SBNO2: variants seen among roughly 807,000 people sequenced by gnomAD.
SBNO2 encodes strawberry notch homolog 2.
SBNO2 carries 89 observed loss-of-function variants against 146.3 expected under a neutral mutation model. The observed-to-expected ratio is 0.61, with a 90% CI of 0.51 to 0.73. The LOEUF (loss-of-function observed/expected upper bound fraction) is 0.73, where lower values mean the gene tolerates loss of function less well. Ranked by LOEUF, SBNO2 falls within the 30% of genes least tolerant of loss-of-function variation. The probability of loss-of-function intolerance (pLI) is 0.00; values close to 1 mark genes in which losing one functional copy is unlikely to be tolerated. For missense variants in SBNO2, 2,092 were observed against 2,003.7 expected (o/e 1.04, Z -0.84); for synonymous variants, 1,147 against 892.6 (o/e 1.29, Z -5.08).
At chr19:1,147,173 A>G in intron 4 of SBNO2, 136 bp downstream of exon 4, 1 of 609,558 alleles carries the variant, frequency 1.6e-6, no homozygotes, top group Non-Finnish European at 2.9e-6. Flanking sequence ...CCCACCGTAA[A>G]CCCTGCGGCC....
rs2079920631 is a variant in SBNO2 at position 1,122,912 on chromosome 19, G to A, written c.762C>T (p.Ala254=). ...SGALSALQLE[A]ITYACQQHEV... ...CGGTCACCTGGCAGGCGTAGGTGAT[G>A]GCCTCTAGCTGCAGGGCAGACAGGG... The change falls in exon 8 of 32, where the codon GCC becomes GCT. Residue 254 remains alanine (A), a synonymous_variant. Coordinates refer to ENST00000361757, the MANE Select transcript of SBNO2 (RefSeq NM_014963.3). The A allele has an allele frequency of 6.4e-7, 1 of 1,552,672 alleles. No homozygotes were observed. Among genetic ancestry groups the A allele is most frequent in the Non-Finnish European group, 8.7e-7 (1 of 1,148,894 alleles).
intron 1 of SBNO2, among the ~76,000 whole-genome samples, chr19:1,160,876 A>G (rs2080336935): frequency 6.6e-6 from 1 of 151,648 alleles, no homozygotes; most frequent in South Asian, 2.1e-4. Context: ...GTAACTCACT[A>G]GACTGTGGCC....
chr19:1,112,918 C>T lies in SBNO2; in HGVS notation c.2279G>A (p.Arg760Lys), dbSNP rs929040470. The T allele has an allele frequency of 1.3e-6, 2 of 1,567,658 alleles. No homozygotes were observed. Among genetic ancestry groups the T allele is most frequent in the African/African-American group, 1.4e-5 (1 of 73,718 alleles). ...MTGRKGRVVS[R>K]PDGTVAFESR... ...CTCGAAGGCCACCGTCCCGTCGGGC[C>T]TGGACACCACGCGGCCTTTCCTGCC... The change falls in exon 20 of 32, where the codon AGG (arginine) becomes AAG (lysine). Residue 760 changes from arginine (R) to lysine (K), a missense_variant. Physicochemically the swap from Arg to Lys is conservative, Grantham distance 26. Coordinates refer to ENST00000361757, the MANE Select transcript of SBNO2 (RefSeq NM_014963.3). The surrounding 1 kb of genome is among the most constrained non-coding windows in gnomAD (Gnocchi z 5.9).
intron 14 of SBNO2, 32 bp downstream of exon 14, chr19:1,118,979 C>T (rs1421554652): frequency 2.6e-6 from 4 of 1,558,336 alleles, no homozygotes; most frequent in Non-Finnish European, 3.5e-6. Context: ...GGGAAACGCA[C>T]AGGGGTCCCC....
intron 4 of SBNO2, among the ~76,000 whole-genome samples, chr19:1,146,686 TG>T (rs2080193024): frequency 7.8e-6 from 1 of 127,946 alleles, no homozygotes; most frequent in African/African-American, 3.0e-5. Context: ...GAGAGGAAGC[TG>T]GGGCACTGGG....
intron 16 of SBNO2, among the ~76,000 whole-genome samples, chr19:1,116,569 G>A (rs1374273670): frequency 1.3e-5 from 2 of 152,150 alleles, no homozygotes; most frequent in Non-Finnish European, 2.9e-5. Context: ...CACAGATGCA[G>A]GAAGCCTCCT....
In SBNO2 at chr19:1,150,439, C is replaced by T. The variant is rs1233891147; in HGVS notation, c.94-997G>A. Among the ~76,000 whole-genome samples the T allele has an allele frequency of 6.6e-6, 1 of 152,010 alleles. No homozygotes were observed. The highest frequency in any genetic ancestry group is 1.9e-4 in the East Asian group (1 of 5,174). ...CTGCAGCAGAGAGACCCTGCCGTCA[C>T]AGACGCCCCCACAGTCACGGGGGAG... is the stretch of plus-strand genomic sequence containing the variant. On this transcript the variant is annotated intron_variant, in intron 2 of 31. Transcript: ENST00000361757. The surrounding 1 kb of genome is among the most constrained non-coding windows in gnomAD (Gnocchi z 6.2).
At chr19:1,122,096 C>A in intron 11 of SBNO2, 43 bp downstream of exon 11, 1 of 1,368,930 alleles carries the variant, frequency 7.3e-7, no homozygotes, top group Non-Finnish European at 9.5e-7. Context: ...CCCTCCGACC[C>A]CCTAATCCAG....
At chr19:1,127,908 G>T in intron 4 of SBNO2, 143 bp from the exon 5 acceptor site, 1 of 726,224 alleles carries the variant, frequency 1.4e-6, no homozygotes, top group Non-Finnish European at 2.3e-6. Context: ...GGCCCTCCCA[G>T]GTTCAAGCAA....
intron 1 of SBNO2, among the ~76,000 whole-genome samples, chr19:1,156,685 C>T (rs2080292475): frequency 6.6e-6 from 1 of 152,176 alleles, no homozygotes; most frequent in Non-Finnish European, 1.5e-5. Context: ...AGCAGCGAGG[C>T]CGACCTAGGC....
Position 1,108,146 on chromosome 19 carries a change from G to A in SBNO2, c.*74C>T. On this transcript the variant is annotated 3_prime_UTR_variant, in exon 32 of 32. Transcript: ENST00000361757. ...TCTGAGCAGTGGTCAGGGGACCTTG[G>A]CCCTGCTCCCCACCGCTGCTCCTAG... 9 of 1,415,852 alleles carry A rather than the reference G, an allele frequency of 6.4e-6. No individual in the cohort carries two copies. The highest frequency in any genetic ancestry group is 4.0e-5 in the South Asian group (3 of 74,862). The allele number at this position is 1,415,852 out of a possible 1,614,324, so 87.7% of individuals were successfully genotyped here.
In SBNO2 at chr19:1,117,504, A is replaced by G; in HGVS notation, c.1528-5T>C. ...CACGTTCAGGGCCTCGGCCCACTGCAATGACACGTCACAAGGCGCCCCTGA... is the reference window on the plus strand; with the variant it reads ...CACGTTCAGGGCCTCGGCCCACTGCGATGACACGTCACAAGGCGCCCCTGA... On this transcript the variant is annotated splice_region_variant and splice_polypyrimidine_tract_variant and intron_variant, in intron 14 of 31. Coordinates refer to ENST00000361757, the MANE Select transcript of SBNO2 (RefSeq NM_014963.3). 6.4e-7 allele frequency: 1 copy of G among 1,572,388 alleles called. No individual in the cohort carries two copies. Among genetic ancestry groups the G allele is most frequent in the Non-Finnish European group, 8.6e-7 (1 of 1,160,928 alleles).
intron 17 of SBNO2, 46 bp from the exon 18 acceptor site, chr19:1,114,468 G>A: frequency 2.1e-6 from 3 of 1,446,120 alleles, no homozygotes; most frequent in Middle Eastern, 2.1e-4. Context: ...GCAGCAAGGT[G>A]GAGGAGCAGG....
Position 1,109,315 on chromosome 19 carries a change from T to C in SBNO2, c.3325A>G (p.Ser1109Gly), listed in dbSNP as rs1468119005. The change falls in exon 29 of 32, where the codon AGC (serine) becomes GGC (glycine). Residue 1109 changes from serine to glycine, a missense_variant. Transcript: ENST00000361757. The surrounding 1 kb of genome is among the most constrained non-coding windows in gnomAD (Gnocchi z 4.2). Reference sequence around the variant, plus strand: ...ACCCGGTGGAACTTGCGGCGGAGGCTGTCCAGGGCCTCCAGCTGGCTCTGC... The same window carrying C: ...ACCCGGTGGAACTTGCGGCGGAGGCCGTCCAGGGCCTCCAGCTGGCTCTGC... The part of the protein sequence containing the change: ...GRQSQLEALD[S>G]LRRKFHRVTA... 6.3e-7 allele frequency: 1 copy of C among 1,597,412 alleles called. No individual in the cohort carries two copies.
At chr19:1,124,350 C>T (rs539543461) in intron 5 of SBNO2, among the ~76,000 whole-genome samples, 11 of 152,330 alleles carry the variant, frequency 7.2e-5, no homozygotes, top group African/African-American at 1.9e-4. Context: ...ACAGCTTGGT[C>T]CCGCGGGAGC....
intron 4 of SBNO2, among the ~76,000 whole-genome samples, chr19:1,143,185 T>C (rs2080156666): frequency 3.3e-5 from 5 of 151,826 alleles, no homozygotes; most frequent in Admixed American, 3.3e-4. Flanking sequence ...GTCAACCTCA[T>C]GGCTCCAACA....
In SBNO2 at chr19:1,147,346, G is replaced by A; in HGVS notation, c.242C>T (p.Ala81Val). The part of the protein sequence containing the change: ...PDTSYAPVAT[A>V]SSLPPKTCDF... ...GCAGGTCTTTGGTGGCAAGCTGGAG[G>A]CGGTGGCCACGGGGGCATAGCTGGT... The change falls in exon 4 of 32, where the codon GCC (alanine) becomes GTC (valine). Residue 81 changes from alanine to valine, a missense_variant. By Grantham distance (64) the Ala-to-Val change is moderately conservative. Coordinates refer to ENST00000361757, the MANE Select transcript of SBNO2 (RefSeq NM_014963.3). 1 of 1,575,570 alleles carries A rather than the reference G, an allele frequency of 6.3e-7. No homozygotes were observed. The highest frequency in any genetic ancestry group is 8.6e-7 in the Non-Finnish European group (1 of 1,164,650).
rs1374122104 is a variant in SBNO2 at position 1,109,672 on chromosome 19, T to A, written c.3123+11A>T. 1.9e-6 allele frequency: 3 copies of A among 1,607,440 alleles called. No homozygotes were observed. The highest frequency in any genetic ancestry group is 2.5e-6 in the Non-Finnish European group (3 of 1,176,962). ...GGCAGAGTGTGAGGGGCTGTGGGGC[T>A]TCCTGCTGACCTTGTAGAAGACCAC... On this transcript the variant is annotated intron_variant, in intron 27 of 31. Transcript: ENST00000361757. The surrounding 1 kb of genome is among the most constrained non-coding windows in gnomAD (Gnocchi z 4.2).
intron 11 of SBNO2, 161 bp from the exon 12 acceptor site, chr19:1,120,184 A>T: frequency 1.7e-4 from 87 of 500,396 alleles, no homozygotes; most frequent in Middle Eastern, 3.7e-4. Flanking sequence ...GCCGGCTACC[A>T]TGGGGGGCGG....
Sources: gnomAD v4.1 joint callset for allele counts (sites outside exome capture counted in the v4.1 genomes callset) on GRCh38, gnomAD v4.1.1 for gene constraint, Gnocchi (gnomAD v3.1) non-coding constraint, MANE v1.5 for transcripts, NCBI Gene and HGNC (gene_info 2026-07-23, HGNC 2026-07-21) for gene names.